Variants in CBFB observed in about 807,000 individuals in gnomAD.
CBFB encodes core-binding factor subunit beta.
In CBFB, 9 loss-of-function variants were observed where a neutral mutation model predicts 30.4. That is an observed-to-expected ratio of 0.30 (90% CI 0.18 to 0.52). CBFB has a LOEUF of 0.52. Ranked by LOEUF, CBFB falls within the 20% of genes least tolerant of loss-of-function variation. The probability of loss-of-function intolerance (pLI) is 0.97; values close to 1 mark genes in which losing one functional copy is unlikely to be tolerated. For missense variants in CBFB, 170 were observed against 244.0 expected (o/e 0.70, Z 2.02); for synonymous variants, 94 against 84.0 (o/e 1.12, Z -0.65).
chr16:67,062,814 A>T lies in CBFB; in HGVS notation c.283-3868A>T, dbSNP rs184502873. Among the ~76,000 whole-genome samples the T allele has an allele frequency of 6.7e-3, 1,027 of 152,168 alleles. 12 individuals carry two copies. The highest frequency in any genetic ancestry group is 0.028 in the South Asian group (135 of 4,818). ...TCTCAAAAATAATAATAATTTTTTT[A>T]AAAAGAATAAGCCAAGAGATTGTGG... On this transcript the variant is annotated intron_variant, in intron 3 of 5. Transcript: ENST00000412916.
chr16:67,075,942 T>A (rs757255805), intron 4 of CBFB, among the ~76,000 whole-genome samples: 17 of 152,000 alleles, frequency 1.1e-4, no homozygotes, highest in Non-Finnish European at 2.2e-4. Flanking sequence ...CAAAAATTTT[T>A]AAAAATTAAC....
intron 5 of CBFB, among the ~76,000 whole-genome samples, chr16:67,095,088 G>A (rs982700448): frequency 2.6e-5 from 4 of 151,388 alleles, no homozygotes; most frequent in Admixed American, 6.6e-5. Context: ...GCATGGAAGC[G>A]CATGCCGGCT....
chr16:67,050,247 C>A (rs1303313667), intron 3 of CBFB, among the ~76,000 whole-genome samples: 1 of 145,574 alleles, frequency 6.9e-6, no homozygotes, highest in Non-Finnish European at 1.5e-5. Flanking sequence ...TAATATATAT[C>A]ACATAAATTA....
intron 4 of CBFB, among the ~76,000 whole-genome samples, chr16:67,070,687 C>CAA (rs61490536): frequency 6.5e-5 from 9 of 137,948 alleles, no homozygotes; most frequent in South Asian, 2.3e-4. Context: ...CTGTCTCTAC[C>CAA]AAAAAAAAAA....
chr16:67,067,107 A>G (rs1346818355), intron 4 of CBFB: 1 of 168,838 alleles, frequency 5.9e-6, no homozygotes, highest in East Asian at 1.4e-4. Flanking sequence ...AAAAGAAAAA[A>G]CTGTTCAAAA....
At chr16:67,047,267 T>C (rs1221388416) in intron 3 of CBFB, among the ~76,000 whole-genome samples, 1 of 152,172 alleles carries the variant, frequency 6.6e-6, no homozygotes, top group African/African-American at 2.4e-5. Context: ...TTCAATGCCA[T>C]GTGTGGAAAC....
At chr16:67,042,779 C>A (rs756516687) in intron 3 of CBFB, among the ~76,000 whole-genome samples, 6 of 152,040 alleles carry the variant, frequency 3.9e-5, no homozygotes, top group African/African-American at 7.2e-5. Flanking sequence ...GCTCTGTCAT[C>A]CAGGCTGGAG....
intron 5 of CBFB, chr16:67,093,649 G>C (rs1317056666): frequency 6.6e-6 from 1 of 152,136 alleles, no homozygotes; most frequent in African/African-American, 2.4e-5. Context: ...ACAAGGTTGA[G>C]ATTAATTCTT....
At chr16:67,054,938 T>G (rs1960671159) in intron 3 of CBFB, among the ~76,000 whole-genome samples, 1 of 151,786 alleles carries the variant, frequency 6.6e-6, no homozygotes, top group Non-Finnish European at 1.5e-5. Flanking sequence ...GTATTTTTTT[T>G]TTTTTTTTTA....
chr16:67,044,473 A>G (rs1357039707), intron 3 of CBFB, among the ~76,000 whole-genome samples: 2 of 152,210 alleles, frequency 1.3e-5, no homozygotes, highest in Non-Finnish European at 2.9e-5. Context: ...AGAAGTATTT[A>G]TTAAGTATAT....
chr16:67,094,828 A>C (rs1412667977), intron 5 of CBFB, among the ~76,000 whole-genome samples: 1 of 152,192 alleles, frequency 6.6e-6, no homozygotes, highest in Non-Finnish European at 1.5e-5. Flanking sequence ...ACTGTGTACT[A>C]TAACCTATTT....
intron 2 of CBFB, among the ~76,000 whole-genome samples, chr16:67,033,580 A>G (rs1453627025): frequency 6.6e-6 from 1 of 150,512 alleles, no homozygotes; most frequent in Non-Finnish European, 1.5e-5. Context: ...TCAGTGAGCC[A>G]CTGCACCCAG....
chr16:67,036,910 T>G (rs1001082202), intron 3 of CBFB, among the ~76,000 whole-genome samples, 155 bp downstream of exon 3: 1 of 152,192 alleles, frequency 6.6e-6, no homozygotes, highest in African/African-American at 2.4e-5. Flanking sequence ...ATATAATTTT[T>G]TTTTTTTAAT....
chr16:67,092,698 C>CTTTTTTTTTTTTTTTTTT lies in CBFB; in HGVS notation c.496-5997_496-5980dup, dbSNP rs777213321. Among the ~76,000 whole-genome samples the CTTTTTTTTTTTTTTTTTT allele has an allele frequency of 1.2e-4, 4 of 33,528 alleles. 1 individual carries two copies. Among genetic ancestry groups the CTTTTTTTTTTTTTTTTTT allele is most frequent in the African/African-American group, 4.6e-4 (4 of 8,718 alleles). 22.0% of individuals were successfully genotyped at this position (33,528 alleles called of 152,430 possible). Reference sequence around the variant, plus strand: ...CCAGGCTAGGTTACAGTGGTGCAATCTTTTTTTTTTTTTTTTTTTTTTTTT... The same window carrying CTTTTTTTTTTTTTTTTTT: ...CCAGGCTAGGTTACAGTGGTGCAATCTTTTTTTTTTTTTTTTTTTTTTTTTTTTTTTTTTTTTTTTTTT... On this transcript the variant is annotated intron_variant, in intron 5 of 5. Transcript: ENST00000412916.
chr16:67,058,445 G>T (rs114334208), intron 3 of CBFB, among the ~76,000 whole-genome samples: 1 of 152,182 alleles, frequency 6.6e-6, no homozygotes, highest in South Asian at 2.1e-4. Flanking sequence ...CCGACCAACA[G>T]TTCTTTTTTT....
intron 5 of CBFB, among the ~76,000 whole-genome samples, chr16:67,095,796 G>A (rs1343325785): frequency 2.0e-5 from 3 of 151,040 alleles, no homozygotes; most frequent in South Asian, 4.2e-4. Flanking sequence ...TGGTTCACGC[G>A]ATCCTCCTGC....
intron 3 of CBFB, among the ~76,000 whole-genome samples, chr16:67,037,672 T>TTC (rs1966464960): frequency 6.7e-6 from 1 of 149,676 alleles, no homozygotes; most frequent in East Asian, 1.9e-4. Context: ...GGTAATTTTT[T>TTC]TTTTTTTTTT....
chr16:67,051,856 TCTC>T (rs1960552572), intron 3 of CBFB, among the ~76,000 whole-genome samples: 1 of 151,162 alleles, frequency 6.6e-6, no homozygotes, highest in East Asian at 1.9e-4. Context: ...TTTAAGCTAT[TCTC>T]CTGCCTCAGC....
At position 67,033,861 on chromosome 16, in the gene CBFB, G is replaced by A. The variant is rs180942160; in HGVS notation, c.166-2778G>A. Among the ~76,000 whole-genome samples the A allele has an allele frequency of 3.0e-3, 400 of 132,798 alleles. 11 individuals are homozygous for A. The highest frequency in any genetic ancestry group is 0.029 in the Admixed American group (347 of 11,940). The allele number at this position is 132,798 out of a possible 152,430, so 87.1% of individuals were successfully genotyped here. The stretch of plus-strand genomic sequence containing the variant: ...TTTTGAGACGGCGTCTTGCACTGTC[G>A]GCTAGGCTGGAGTGCAATGGCACGA... On this transcript the variant is annotated intron_variant, in intron 2 of 5. Coordinates refer to ENST00000412916, the MANE Select transcript of CBFB (RefSeq NM_022845.3).
Sources: allele counts gnomAD v4.1 joint callset (sites outside exome capture counted in the v4.1 genomes callset), GRCh38; gene constraint gnomAD v4.1.1; transcripts MANE v1.5; gene names NCBI Gene and HGNC (gene_info 2026-07-23, HGNC 2026-07-21).